The following CRY1 variants were observed in gnomAD, a reference collection of about 807,000 sequenced individuals.
CRY1 encodes the protein cryptochrome-1.
In CRY1, 45 loss-of-function variants were observed where a neutral mutation model predicts 76.0. The ratio of observed to expected loss-of-function variants is 0.59; its 90% CI spans 0.47 to 0.76. CRY1 has a LOEUF of 0.76. Ranked by LOEUF, CRY1 falls within the 30% of genes least tolerant of loss-of-function variation. The pLI is 0.00. For missense variants in CRY1, 587 were observed against 716.4 expected, an observed-to-expected ratio of 0.82 and a Z score of 2.06; for synonymous variants, 248 against 244.0, an observed-to-expected ratio of 1.02 and a Z score of -0.15.
chr12:107,043,613 T>C (rs1297519961), intron 1 of CRY1, among the ~76,000 whole-genome samples: 4 of 152,192 alleles, frequency 2.6e-5, no homozygotes, highest in South Asian at 2.1e-4. Flanking sequence ...CAAACAGCTC[T>C]AGTATCCTGC....
chr12:107,037,304 G>A (rs1009747408), intron 1 of CRY1, among the ~76,000 whole-genome samples: 1 of 152,164 alleles, frequency 6.6e-6, no homozygotes, highest in Admixed American at 6.5e-5. Context: ...GGCCAAGGCA[G>A]GTGGATCACC....
At chr12:107,086,878 C>T (rs776344824) in intron 1 of CRY1, among the ~76,000 whole-genome samples, 11 of 152,034 alleles carry the variant, frequency 7.2e-5, no homozygotes, top group South Asian at 4.2e-4. Flanking sequence ...TGTAGAGCAG[C>T]GGGAACAGGG....
intron 1 of CRY1, among the ~76,000 whole-genome samples, chr12:107,045,683 G>T (rs1952840939): frequency 1.3e-5 from 2 of 152,064 alleles, no homozygotes; most frequent in African/African-American, 4.8e-5. Flanking sequence ...AAGGTGTAAG[G>T]AAGGGATCCA....
At chr12:107,009,356 T>C (rs1304473542) in intron 2 of CRY1, among the ~76,000 whole-genome samples, 2 of 151,280 alleles carry the variant, frequency 1.3e-5, no homozygotes, top group African/African-American at 4.9e-5. Context: ...CTGGGCAACA[T>C]GGTGAAACCC....
chr12:107,033,200 T>C (rs1054632994), intron 1 of CRY1, among the ~76,000 whole-genome samples: 2 of 152,074 alleles, frequency 1.3e-5, no homozygotes, highest in African/African-American at 4.8e-5. Context: ...CTTACCAAAA[T>C]GGACTCAAGA....
intron 1 of CRY1, among the ~76,000 whole-genome samples, chr12:107,057,481 C>T (rs1417492041): frequency 6.6e-6 from 1 of 152,168 alleles, no homozygotes; most frequent in Non-Finnish European, 1.5e-5. Context: ...TTCTTTCTCT[C>T]CAAAGTTTTC....
At chr12:107,015,125 C>T (rs1032106107) in intron 2 of CRY1, among the ~76,000 whole-genome samples, 2 of 152,172 alleles carry the variant, frequency 1.3e-5, no homozygotes, top group African/African-American at 2.4e-5. Flanking sequence ...ATCCGCCGGC[C>T]TCAGCCTCCC....
rs772762142 is a variant in CRY1 at position 107,000,094 on chromosome 12, C to T, written c.685-12G>A. On this transcript the variant is annotated splice_polypyrimidine_tract_variant and intron_variant, in intron 5 of 12. Coordinates refer to ENST00000008527, the MANE Select transcript of CRY1 (RefSeq NM_004075.5). ...TTTGCCACCCAAGCCTGAAAACACACAGAGAAAATTATATTAACTAATTGT... is the reference window on the plus strand; with the variant it reads ...TTTGCCACCCAAGCCTGAAAACACATAGAGAAAATTATATTAACTAATTGT... The T allele has an allele frequency of 4.4e-6, 7 of 1,581,118 alleles. No homozygotes were observed. The highest frequency in any genetic ancestry group is 5.1e-6 in the Non-Finnish European group (6 of 1,170,356).
intron 2 of CRY1, 34 bp from the exon 3 acceptor site, chr12:107,005,282 AT>A: frequency 6.4e-7 from 1 of 1,554,032 alleles, no homozygotes. Flanking sequence ...ATGTACACCA[AT>A]TGTAATAGTT....
At chr12:106,996,072 C>T (rs1405030880) in intron 10 of CRY1, among the ~76,000 whole-genome samples, 1 of 152,118 alleles carries the variant, frequency 6.6e-6, no homozygotes, top group Non-Finnish European at 1.5e-5. Flanking sequence ...TCTCAAACTC[C>T]CAACCTCAGG....
At chr12:106,998,111 G>A (rs778719021) in intron 7 of CRY1, 45 bp from the exon 8 acceptor site, 17 of 1,600,836 alleles carry the variant, frequency 1.1e-5, no homozygotes, top group Middle Eastern at 1.7e-4. Context: ...CACATAATTC[G>A]CAAAGCAAGC....
intron 1 of CRY1, among the ~76,000 whole-genome samples, chr12:107,051,624 T>C (rs1007884434): frequency 2.6e-5 from 4 of 152,168 alleles, no homozygotes; most frequent in Non-Finnish European, 5.9e-5. Context: ...GTCCATAAAG[T>C]TTCACGAAGA....
chr12:106,998,136 A>G (rs1041781559), intron 7 of CRY1, 70 bp from the exon 8 acceptor site: 3 of 1,554,408 alleles, frequency 1.9e-6, no homozygotes, highest in African/African-American at 2.7e-5. Context: ...TCAAGGTCAC[A>G]GTAGAGCCAA....
At chr12:107,059,715 T>C (rs1297601921) in intron 1 of CRY1, among the ~76,000 whole-genome samples, 1 of 152,192 alleles carries the variant, frequency 6.6e-6, no homozygotes, top group Non-Finnish European at 1.5e-5. Flanking sequence ...AATGATGATC[T>C]CACAGTGACA....
intron 1 of CRY1, among the ~76,000 whole-genome samples, chr12:107,068,123 T>A (rs1242642579): frequency 6.6e-6 from 1 of 152,116 alleles, no homozygotes; most frequent in Non-Finnish European, 1.5e-5. Context: ...ACATCCTAAT[T>A]AGTTTCATGC....
intron 1 of CRY1, among the ~76,000 whole-genome samples, chr12:107,051,094 G>A (rs1952913998): frequency 6.6e-6 from 1 of 152,156 alleles, no homozygotes; most frequent in Non-Finnish European, 1.5e-5. Context: ...AGAGGGTTAT[G>A]AACCTGTCAT....
intron 1 of CRY1, among the ~76,000 whole-genome samples, chr12:107,082,620 GAAGT>G (rs1953341395): frequency 6.6e-6 from 1 of 152,152 alleles, no homozygotes; most frequent in Admixed American, 6.5e-5. Flanking sequence ...AATTAAGGCA[GAAGT>G]AAGTAAGTTC....
At chr12:107,080,116 T>C (rs1953304568) in intron 1 of CRY1, among the ~76,000 whole-genome samples, 1 of 152,120 alleles carries the variant, frequency 6.6e-6, no homozygotes. Context: ...GCAGAGAAAT[T>C]ACCTGTTGAC....
chr12:107,063,371 T>A (rs1234882344), intron 1 of CRY1, among the ~76,000 whole-genome samples: 1 of 152,206 alleles, frequency 6.6e-6, no homozygotes, highest in Non-Finnish European at 1.5e-5. Context: ...GACAAATAGA[T>A]AAAAAGGACT....
Sources: allele counts gnomAD v4.1 joint callset (sites outside exome capture counted in the v4.1 genomes callset), GRCh38; gene constraint gnomAD v4.1.1; transcripts MANE v1.5; gene names NCBI Gene and HGNC (gene_info 2026-07-23, HGNC 2026-07-21).